Variants in ERO1B observed in about 807,000 individuals in gnomAD.
The protein encoded by ERO1B is ERO1-like protein beta.
Under a neutral mutation model 75.3 loss-of-function variants are expected in ERO1B, and 49 were observed. The ratio of observed to expected loss-of-function variants is 0.65; its 90% CI spans 0.52 to 0.83. The LOEUF (loss-of-function observed/expected upper bound fraction) is 0.83. ERO1B is among the 40% of genes least tolerant of loss of function. ERO1B has a pLI of 0.00. For missense variants in ERO1B, 512 were observed against 560.1 expected, an observed-to-expected ratio of 0.91 and a Z score of 0.87; for synonymous variants, 191 against 192.9, an observed-to-expected ratio of 0.99 and a Z score of 0.08.
intron 1 of ERO1B, among the ~76,000 whole-genome samples, chr1:236,273,823 AAAAAAAAAG>A (rs1572071140): frequency 1.3e-5 from 2 of 150,476 alleles, no homozygotes; most frequent in East Asian, 3.9e-4. Flanking sequence ...AAAAAAAAAA[AAAAAAAAAG>A]AGTTTCTCCA....
At position 236,226,341 on chromosome 1, in the gene ERO1B, T is replaced by C. The variant is rs752626524; in HGVS notation, c.980A>G (p.Asp327Gly). The C allele has an allele frequency of 6.2e-7, 1 of 1,614,112 alleles. No individual in the cohort carries two copies. Among genetic ancestry groups the C allele is most frequent in the African/African-American group, 1.3e-5 (1 of 75,050 alleles). The part of the protein sequence containing the change: ...VAPYFERSIV[D>G]LYTGNAEEDA... ...TTCTTCTGCATTTCCAGTGTAAAGA[T>C]CGACAATTGAGCGCTCAAAATATGG... Residue 327 changes from aspartate to glycine, a missense_variant, in exon 12 of 16, where the codon GAT becomes GGT. Transcript: ENST00000354619.
chr1:236,230,611 C>CAAAAA (rs397983348), intron 9 of ERO1B, among the ~76,000 whole-genome samples: 2 of 58,596 alleles, frequency 3.4e-5, no homozygotes, highest in African/African-American at 1.3e-4. Flanking sequence ...GACCCTGTCT[C>CAAAAA]AAAAAAAAAA....
At chr1:236,240,533 T>C (rs1296107363) in intron 6 of ERO1B, among the ~76,000 whole-genome samples, 1 of 152,188 alleles carries the variant, frequency 6.6e-6, no homozygotes. Context: ...TCAAAAAATT[T>C]TGATACACAA....
chr1:236,269,885 C>T lies in ERO1B; in HGVS notation c.212G>A (p.Arg71His), dbSNP rs574755544. The part of the protein sequence containing the change: ...IKKLQERDYF[R>H]YYKVNLKRPC... The stretch of plus-strand genomic sequence containing the variant: ...AAATTACAACCTTACCTTGTAATAA[C>T]GAAAATAGTCTCTCTCTTGCAATTT... The change falls in exon 2 of 16, where the codon CGT becomes CAT. Residue 71 changes from arginine (R) to histidine (H), a missense_variant. Arg to His is a conservative substitution (Grantham distance 29, BLOSUM62 0). Transcript: ENST00000354619. The T allele has an allele frequency of 4.8e-5, 77 of 1,587,916 alleles. No individual in the cohort carries two copies. Among genetic ancestry groups the T allele is most frequent in the Middle Eastern group, 3.3e-4 (2 of 5,982 alleles).
At chr1:236,220,720 A>C in intron 15 of ERO1B, 112 bp downstream of exon 15, 4 of 890,642 alleles carry the variant, frequency 4.5e-6, no homozygotes, top group South Asian at 2.9e-5. Context: ...ATACAATATA[A>C]AATTTTTTTT....
At chr1:236,244,478 C>T (rs1664790605) in intron 5 of ERO1B, among the ~76,000 whole-genome samples, 1 of 152,096 alleles carries the variant, frequency 6.6e-6, no homozygotes, top group Non-Finnish European at 1.5e-5. Context: ...AACTGAAATA[C>T]GTGATGCCAT....
At chr1:236,247,810 C>T (rs1664921322) in intron 5 of ERO1B, among the ~76,000 whole-genome samples, 1 of 152,166 alleles carries the variant, frequency 6.6e-6, no homozygotes, top group East Asian at 1.9e-4. Flanking sequence ...TAGGCATGAT[C>T]CTGCCATGGG....
chr1:236,257,002 A>G (rs1433504772), intron 2 of ERO1B, among the ~76,000 whole-genome samples: 1 of 152,240 alleles, frequency 6.6e-6, no homozygotes, highest in Non-Finnish European at 1.5e-5. Flanking sequence ...AGTGGGAGAT[A>G]AACTCTGGCT....
At position 236,226,352 on chromosome 1, in the gene ERO1B, G is replaced by A; in HGVS notation, c.969C>T (p.Arg323=). ...TTCCAGTGTAAAGATCGACAATTGA[G>A]CGCTCAAAATATGGAGCCACCTTTG... ...ALSKVAPYFE[R]SIVDLYTGNA... is the part of the protein sequence containing the mutation. Residue 323 remains arginine (R), a synonymous_variant, in exon 12 of 16, where the codon CGC becomes CGT. Transcript: ENST00000354619. The A allele has an allele frequency of 1.2e-6, 2 of 1,614,064 alleles. No homozygotes were observed. Among genetic ancestry groups the A allele is most frequent in the Non-Finnish European group, 1.7e-6 (2 of 1,179,976 alleles).
Position 236,226,721 on chromosome 1 carries a change from CTT to C in ERO1B, c.729_730del (p.Arg244SerfsTer4), listed in dbSNP as rs1558506298. 1.2e-6 allele frequency: 2 copies of C among 1,611,042 alleles called. No individual in the cohort carries two copies. Among genetic ancestry groups the C allele is most frequent in the Admixed American group, 1.7e-5 (1 of 59,378 alleles). ...TCCCGATATAAGCTTATAGAAGACT[CTT>C]TTCTCCAGACACAAACCTATTCAGA... On this transcript the variant is annotated frameshift_variant, in exon 11 of 16. Coordinates refer to ENST00000354619, the MANE Select transcript of ERO1B (RefSeq NM_019891.4). LOFTEE classifies it high-confidence loss of function.
At chr1:236,261,518 C>T (rs1442574031) in intron 2 of ERO1B, among the ~76,000 whole-genome samples, 1 of 151,988 alleles carries the variant, frequency 6.6e-6, no homozygotes, top group Non-Finnish European at 1.5e-5. Context: ...AATGAACAAT[C>T]CCCCCCAAAA....
intron 15 of ERO1B, among the ~76,000 whole-genome samples, chr1:236,219,087 G>C (rs2102936069): frequency 6.6e-6 from 1 of 152,276 alleles, no homozygotes; most frequent in East Asian, 1.9e-4. Context: ...GTAAAACTCT[G>C]GGATGGGAAA....
chr1:236,263,756 ATT>A (rs1238401187), intron 2 of ERO1B, among the ~76,000 whole-genome samples: 3 of 63,754 alleles, frequency 4.7e-5, no homozygotes, highest in Non-Finnish European at 1.1e-4. Context: ...TCGCTAATAT[ATT>A]TTTTGTTTTA....
At position 236,218,559 on chromosome 1, in the gene ERO1B, C is replaced by G; in HGVS notation, c.1361G>C (p.Arg454Thr). 1.4e-6 allele frequency: 2 copies of G among 1,392,040 alleles called. No homozygotes were observed. The highest frequency in any genetic ancestry group is 1.9e-6 in the Non-Finnish European group (2 of 1,059,828). The allele number at this position is 1,392,040 out of a possible 1,614,324, so 86.2% of individuals were successfully genotyped here. ...TAAGACTTTAAAATTCTGTAAGTCT[C>G]TTATACTTGTAGAAAGCCTATGGAA... is the stretch of plus-strand genomic sequence containing the variant. The part of the protein sequence containing the change: ...NAFGRLSTSI[R>T]DLQNFKVLLQ... Residue 454 changes from arginine to threonine, a missense_variant, in exon 16 of 16, where the codon AGA becomes ACA. Coordinates refer to ENST00000354619, the MANE Select transcript of ERO1B (RefSeq NM_019891.4).
rs6703157 is a variant in ERO1B, at chr1:236,271,558, T to A, written c.103-1564A>T. Among the ~76,000 whole-genome samples the A allele has an allele frequency of 4.2e-3, 646 of 152,230 alleles. 3 individuals are homozygous for A. The highest frequency in any genetic ancestry group is 0.015 in the African/African-American group (626 of 41,566). On this transcript the variant is annotated intron_variant, in intron 1 of 15. Transcript: ENST00000354619. ...TTTTTTCCTTCCTCCCCAGCCAGTCTGAAATATGTTTGTAAAGACTTCAAA... is the reference window on the plus strand; with the variant it reads ...TTTTTTCCTTCCTCCCCAGCCAGTCAGAAATATGTTTGTAAAGACTTCAAA...
chr1:236,279,413 G>C (rs185222505), intron 1 of ERO1B, among the ~76,000 whole-genome samples: 127 of 141,972 alleles, frequency 8.9e-4, no homozygotes, highest in African/African-American at 3.2e-3. Context: ...TGAGACAGAA[G>C]AATCACTTGA....
chr1:236,251,908 G>C (rs1049136002), intron 4 of ERO1B, 142 bp downstream of exon 4: 15 of 632,624 alleles, frequency 2.4e-5, no homozygotes, highest in Non-Finnish European at 4.2e-5. Context: ...TGACGCAAGA[G>C]TTAGGGATTT....
intron 6 of ERO1B, among the ~76,000 whole-genome samples, chr1:236,239,941 G>T (rs1664657061): frequency 7.1e-6 from 1 of 140,542 alleles, no homozygotes; most frequent in Admixed American, 7.4e-5. Context: ...GGCTGACTCT[G>T]TTGAGCAGTG....
intron 5 of ERO1B, among the ~76,000 whole-genome samples, chr1:236,246,541 C>T (rs909758737): frequency 6.6e-6 from 1 of 152,262 alleles, no homozygotes; most frequent in East Asian, 1.9e-4. Context: ...AAACATGGCA[C>T]ATTCTTACTA....
Sources: allele counts gnomAD v4.1 joint callset (sites outside exome capture counted in the v4.1 genomes callset), GRCh38; gene constraint gnomAD v4.1.1; transcripts MANE v1.5; gene names NCBI Gene and HGNC (gene_info 2026-07-23, HGNC 2026-07-21).